Variants in KCNIP1 observed in about 807,000 individuals in gnomAD.
KCNIP1 encodes the protein potassium voltage-gated channel interacting protein 1, also known as A-type potassium channel modulatory protein KCNIP1.
KCNIP1 carries 18 observed loss-of-function variants against 33.0 expected under a neutral mutation model. The ratio of observed to expected loss-of-function variants is 0.55; its 90% CI spans 0.38 to 0.81. The LOEUF is 0.81. Among genes scored for constraint, KCNIP1 ranks in the 30% least tolerant of loss-of-function variants. The pLI, the probability that KCNIP1 is intolerant of heterozygous loss-of-function variation, is 0.00. For missense variants in KCNIP1, 238 were observed against 271.6 expected, an observed-to-expected ratio of 0.88 and a Z score of 0.87; for synonymous variants, 93 against 98.3, an observed-to-expected ratio of 0.95 and a Z score of 0.32.
At chr5:170,573,735 A>G (rs1016819562) in intron 1 of KCNIP1, among the ~76,000 whole-genome samples, 5 of 152,260 alleles carry the variant, frequency 3.3e-5, no homozygotes, top group Non-Finnish European at 7.3e-5. Flanking sequence ...TTGTATTGAG[A>G]CAGCAGTTCT....
At chr5:170,555,139 C>T (rs1756800580) in intron 1 of KCNIP1, among the ~76,000 whole-genome samples, 1 of 152,340 alleles carries the variant, frequency 6.6e-6, no homozygotes, top group Non-Finnish European at 1.5e-5. Context: ...CACCACTAAA[C>T]AACTGCCTGT....
At chr5:170,633,717 G>A (rs1489032020) in intron 1 of KCNIP1, among the ~76,000 whole-genome samples, 1 of 42,262 alleles carries the variant, frequency 2.4e-5, no homozygotes, top group African/African-American at 1.2e-4. Flanking sequence ...AGGGGGCGGG[G>A]GGGCGGAGGG....
intron 1 of KCNIP1, among the ~76,000 whole-genome samples, chr5:170,519,591 G>A (rs764637758): frequency 3.3e-5 from 5 of 152,140 alleles, no homozygotes; most frequent in Non-Finnish European, 7.3e-5. Context: ...AATGGAGCGA[G>A]GGAGGGAATT....
chr5:170,520,891 C>T (rs1755339839), intron 1 of KCNIP1, among the ~76,000 whole-genome samples: 1 of 152,186 alleles, frequency 6.6e-6, no homozygotes, highest in African/African-American at 2.4e-5. Context: ...CTTTCTCGGG[C>T]GTGTGGCCTT....
At chr5:170,727,530 A>C (rs562482624) in intron 5 of KCNIP1, among the ~76,000 whole-genome samples, 2 of 152,316 alleles carry the variant, frequency 1.3e-5, no homozygotes, top group Middle Eastern at 6.8e-3. Flanking sequence ...AATAGAAGAC[A>C]CTCAAAAAAT....
chr5:170,504,227 C>A lies in KCNIP1; in HGVS notation c.-346C>A, dbSNP rs1434686424. 2.8e-6 allele frequency: 3 copies of A among 1,068,584 alleles called. No individual in the cohort carries two copies. In the East Asian group the frequency reaches 1.9e-4, roughly 68 times the overall value. The allele number at this position is 1,068,584 out of a possible 1,614,324, so 66.2% of individuals were successfully genotyped here. On this transcript the variant is annotated 5_prime_UTR_variant, in exon 1 of 8. Transcript: ENST00000328939. This position sits in a 1 kb window ranked among gnomAD's most constrained non-coding sequence, Gnocchi z 6.0. ...CCGCACGCGGCGCTGGCTCGGCAGCCTCGGCCGGGCGGCCGCTCTGGCCCC... is the reference window on the plus strand; with the variant it reads ...CCGCACGCGGCGCTGGCTCGGCAGCATCGGCCGGGCGGCCGCTCTGGCCCC...
At chr5:170,724,189 G>T (rs1022633703) in intron 5 of KCNIP1, among the ~76,000 whole-genome samples, 1 of 152,168 alleles carries the variant, frequency 6.6e-6, no homozygotes, top group African/African-American at 2.4e-5. Flanking sequence ...TATAGGCCCA[G>T]ATGGTGGACT....
intron 1 of KCNIP1, chr5:170,681,272 G>A (rs545707705): frequency 5.0e-6 from 2 of 396,430 alleles, no homozygotes; most frequent in African/African-American, 2.1e-5. Flanking sequence ...GGAAATGAGG[G>A]CGGAGACCCG....
chr5:170,475,339 C>T (rs1316716008), intron 1 of KCNIP1, among the ~76,000 whole-genome samples: 2 of 152,216 alleles, frequency 1.3e-5, no homozygotes, highest in African/African-American at 2.4e-5. Flanking sequence ...TCACATTGAC[C>T]AGCTCCTGCG....
chr5:170,699,869 C>A (rs188750895), intron 1 of KCNIP1, among the ~76,000 whole-genome samples: 215 of 152,324 alleles, frequency 1.4e-3, no homozygotes, highest in Non-Finnish European at 2.7e-3. Context: ...ACGAAGCCAG[C>A]AGGCAGAGAG....
At chr5:170,419,598 C>T (rs373899935) in intron 1 of KCNIP1, among the ~76,000 whole-genome samples, 1 of 152,184 alleles carries the variant, frequency 6.6e-6, no homozygotes, top group East Asian at 1.9e-4. Flanking sequence ...ATCTCTGAGT[C>T]GTATGATCAT....
intron 1 of KCNIP1, among the ~76,000 whole-genome samples, chr5:170,560,889 C>G (rs1265000252): frequency 6.6e-6 from 1 of 152,138 alleles, no homozygotes; most frequent in Non-Finnish European, 1.5e-5. Context: ...TCCTCTCCCA[C>G]TCCTTCCTCC....
chr5:170,632,216 C>T (rs181376110), intron 1 of KCNIP1, among the ~76,000 whole-genome samples: 1 of 152,278 alleles, frequency 6.6e-6, no homozygotes, highest in Admixed American at 6.5e-5. Flanking sequence ...AAAATGAATA[C>T]CCAGGCGAGC....
chr5:170,388,457 A>G (rs74328412), intron 1 of KCNIP1, among the ~76,000 whole-genome samples: 3,948 of 152,350 alleles, frequency 0.026, 105 homozygotes, highest in East Asian at 0.11. Context: ...TTAGACTGTA[A>G]GAAGAACTTC....
chr5:170,435,402 TC>T (rs923991945), intron 1 of KCNIP1, among the ~76,000 whole-genome samples: 3 of 152,210 alleles, frequency 2.0e-5, no homozygotes, highest in African/African-American at 7.2e-5. Flanking sequence ...GAGCTTGTGT[TC>T]CAGGGCAGAG....
At chr5:170,406,037 T>G (rs1450931232) in intron 1 of KCNIP1, among the ~76,000 whole-genome samples, 2 of 152,358 alleles carry the variant, frequency 1.3e-5, no homozygotes, top group Admixed American at 6.5e-5. Flanking sequence ...TCCTCAAAAC[T>G]TATCTGTCTC....
chr5:170,392,912 A>T (rs1333680072), intron 1 of KCNIP1, among the ~76,000 whole-genome samples: 3 of 152,184 alleles, frequency 2.0e-5, no homozygotes, highest in Non-Finnish European at 4.4e-5. Flanking sequence ...GTGATATGGG[A>T]GGGTATTTTT....
chr5:170,555,142 C>T (rs567778414), intron 1 of KCNIP1, among the ~76,000 whole-genome samples: 110 of 152,310 alleles, frequency 7.2e-4, no homozygotes, highest in Admixed American at 1.6e-3. Flanking sequence ...CACTAAACAA[C>T]TGCCTGTCTC....
chr5:170,671,080 C>T (rs552562472), intron 1 of KCNIP1, among the ~76,000 whole-genome samples: 3 of 152,232 alleles, frequency 2.0e-5, no homozygotes, highest in Admixed American at 6.5e-5. Flanking sequence ...TCATACCCCA[C>T]AATCTCTGTG....
Sources: gnomAD v4.1 joint callset for allele counts (sites outside exome capture counted in the v4.1 genomes callset) on GRCh38, gnomAD v4.1.1 for gene constraint, Gnocchi (gnomAD v3.1) non-coding constraint, MANE v1.5 for transcripts, NCBI Gene and HGNC (gene_info 2026-07-23, HGNC 2026-07-21) for gene names.